Variants in GRM1 observed in about 807,000 individuals in gnomAD.
The protein encoded by GRM1 is metabotropic glutamate receptor 1.
GRM1 carries 33 observed loss-of-function variants against 90.9 expected under a neutral mutation model. That is an observed-to-expected ratio of 0.36 (90% CI 0.28 to 0.49). The LOEUF (loss-of-function observed/expected upper bound fraction) is 0.49, where lower values mean the gene tolerates loss of function less well. GRM1 is among the 20% of genes least tolerant of loss of function. The pLI is 0.99. For synonymous variants in GRM1, 700 were observed against 613.2 expected (o/e 1.14, Z -2.09); for missense variants, 1,190 against 1,534.3 (o/e 0.78, Z 3.75).
chr6:146,294,649 A>T (rs1006620433), intron 2 of GRM1, among the ~76,000 whole-genome samples: 8 of 152,162 alleles, frequency 5.3e-5, no homozygotes, highest in Non-Finnish European at 1.2e-4. Context: ...TTAATAACAG[A>T]GTAGTAAGTT....
At chr6:146,225,640 T>C (rs1401475260) in intron 2 of GRM1, among the ~76,000 whole-genome samples, 1 of 152,134 alleles carries the variant, frequency 6.6e-6, no homozygotes, top group Non-Finnish European at 1.5e-5. Context: ...ATTTGGAAAA[T>C]AAATTACATT....
At chr6:146,055,668 A>C (rs544700001) in intron 1 of GRM1, among the ~76,000 whole-genome samples, 1 of 152,250 alleles carries the variant, frequency 6.6e-6, no homozygotes, top group South Asian at 2.1e-4. Context: ...GCACGTAGGC[A>C]GCATGTAGAG....
chr6:146,213,589 T>C (rs1779752811), intron 2 of GRM1, among the ~76,000 whole-genome samples: 1 of 152,178 alleles, frequency 6.6e-6, no homozygotes, highest in Non-Finnish European at 1.5e-5. Context: ...ATGTATTCTT[T>C]CATTTCATTC....
At chr6:146,396,146 G>T (rs368405946) in intron 6 of GRM1, among the ~76,000 whole-genome samples, 1 of 149,640 alleles carries the variant, frequency 6.7e-6, no homozygotes, top group African/African-American at 2.5e-5. Flanking sequence ...CATCTGTCTT[G>T]CCTGCATTGG....
chr6:146,264,203 T>G (rs998320222), intron 2 of GRM1, among the ~76,000 whole-genome samples: 1 of 152,110 alleles, frequency 6.6e-6, no homozygotes, highest in Non-Finnish European at 1.5e-5. Context: ...GAGGACTGTA[T>G]GGTTTGGAAA....
At chr6:146,282,363 T>A (rs1782598400) in intron 2 of GRM1, among the ~76,000 whole-genome samples, 1 of 152,174 alleles carries the variant, frequency 6.6e-6, no homozygotes, top group Non-Finnish European at 1.5e-5. Context: ...TTTATTTGTG[T>A]CATTGTTTAT....
At chr6:146,362,307 C>G (rs1172703139) in intron 5 of GRM1, among the ~76,000 whole-genome samples, 1 of 152,092 alleles carries the variant, frequency 6.6e-6, no homozygotes, top group Non-Finnish European at 1.5e-5. Flanking sequence ...AAAGTGGCAC[C>G]TTATTTATAT....
chr6:146,040,575 T>G (rs995679897), intron 1 of GRM1, among the ~76,000 whole-genome samples: 2 of 152,012 alleles, frequency 1.3e-5, no homozygotes, highest in African/African-American at 2.4e-5. Flanking sequence ...CTTCAGTGCT[T>G]TGTCATCCTG....
intron 5 of GRM1, among the ~76,000 whole-genome samples, chr6:146,378,551 T>G (rs551758704): frequency 1.3e-5 from 2 of 152,340 alleles, no homozygotes; most frequent in African/African-American, 4.8e-5. Context: ...GTAGCCCTTT[T>G]GTTTTGGCCA....
chr6:146,252,283 T>C (rs889365617), intron 2 of GRM1, among the ~76,000 whole-genome samples: 1 of 152,198 alleles, frequency 6.6e-6, no homozygotes, highest in African/African-American at 2.4e-5. Flanking sequence ...CACTTTTTAA[T>C]AATGTTTGAA....
chr6:146,288,568 C>T (rs1456726195), intron 2 of GRM1, among the ~76,000 whole-genome samples: 1 of 152,066 alleles, frequency 6.6e-6, no homozygotes, highest in Non-Finnish European at 1.5e-5. Context: ...CGCAAAGGTG[C>T]GATCTCGGCT....
chr6:146,278,931 T>C (rs1259705350), intron 2 of GRM1, among the ~76,000 whole-genome samples: 2 of 152,264 alleles, frequency 1.3e-5, no homozygotes, highest in East Asian at 3.9e-4. Flanking sequence ...GGTCTCAATC[T>C]CTTGACCTCC....
chr6:146,050,391 G>A (rs950917684), intron 1 of GRM1, among the ~76,000 whole-genome samples: 2 of 152,032 alleles, frequency 1.3e-5, no homozygotes, highest in Non-Finnish European at 2.9e-5. Flanking sequence ...CATTGTCAGA[G>A]GGTAAGAGTA....
chr6:146,264,671 G>T (rs1781815060), intron 2 of GRM1, among the ~76,000 whole-genome samples: 1 of 151,848 alleles, frequency 6.6e-6, no homozygotes, highest in Admixed American at 6.6e-5. Flanking sequence ...CAATTTTTCA[G>T]CCCTCATCCC....
At chr6:146,121,222 C>T (rs1045738160) in intron 1 of GRM1, among the ~76,000 whole-genome samples, 5 of 152,070 alleles carry the variant, frequency 3.3e-5, no homozygotes, top group Admixed American at 1.3e-4. Flanking sequence ...AGTTTATTTG[C>T]GTCGAGGTGT....
intron 2 of GRM1, among the ~76,000 whole-genome samples, chr6:146,242,051 T>C (rs1366728075): frequency 6.6e-6 from 1 of 151,992 alleles, no homozygotes; most frequent in Non-Finnish European, 1.5e-5. Flanking sequence ...TGAAAAGGAA[T>C]AGTATTCCAA....
chr6:146,299,290 C>T (rs1012323977), intron 2 of GRM1, among the ~76,000 whole-genome samples: 4 of 152,102 alleles, frequency 2.6e-5, no homozygotes. Flanking sequence ...ATCACTTTCT[C>T]CTTCCATCCA....
intron 1 of GRM1, among the ~76,000 whole-genome samples, chr6:146,058,160 C>T (rs889455063): frequency 1.3e-5 from 2 of 152,016 alleles, no homozygotes; most frequent in African/African-American, 2.4e-5. Context: ...CTGTCATCTT[C>T]TTTTTGCGTA....
intron 5 of GRM1, among the ~76,000 whole-genome samples, chr6:146,371,587 A>G (rs988881849): frequency 2.0e-5 from 3 of 152,038 alleles, no homozygotes; most frequent in African/African-American, 7.2e-5. Flanking sequence ...TTTTGTACTC[A>G]TTAACCATCC....
Sources: allele counts gnomAD v4.1 joint callset (sites outside exome capture counted in the v4.1 genomes callset), GRCh38; gene constraint gnomAD v4.1.1; transcripts MANE v1.5; gene names NCBI Gene and HGNC (gene_info 2026-07-23, HGNC 2026-07-21).